The following OAS2 variants were observed in gnomAD, a reference collection of about 807,000 sequenced individuals.
OAS2 encodes the protein 2'-5'-oligoadenylate synthase 2.
Under a neutral mutation model 71.3 loss-of-function variants are expected in OAS2, and 67 were observed. That is an observed-to-expected ratio of 0.94 (90% CI 0.77 to 1.15). The LOEUF is 1.15. OAS2 is among the 50% of genes most tolerant of loss of function. The pLI is 0.00. For synonymous variants in OAS2, 327 were observed against 321.8 expected, an observed-to-expected ratio of 1.02 and a Z score of -0.17; for missense variants, 789 against 822.5, an observed-to-expected ratio of 0.96 and a Z score of 0.50.
intron 5 of OAS2, 65 bp downstream of exon 5, chr12:112,998,475 A>G (rs1403952511): frequency 6.5e-7 from 1 of 1,549,946 alleles, no homozygotes; most frequent in Non-Finnish European, 8.7e-7. Flanking sequence ...CACCCAGGCT[A>G]GGTCTTATCT....
At chr12:113,001,984 A>C (rs1449102513) in intron 5 of OAS2, among the ~76,000 whole-genome samples, 1 of 151,920 alleles carries the variant, frequency 6.6e-6, no homozygotes, top group East Asian at 1.9e-4. Flanking sequence ...GCAGTGAGCT[A>C]TAATGGCACC....
Position 112,987,022 on chromosome 12 carries a change from T to C in OAS2, c.178-16T>C. On this transcript the variant is annotated splice_polypyrimidine_tract_variant and intron_variant, in intron 1 of 9. Transcript: ENST00000392583. ...CAGAATCTAGTGTCTCATATCTGCTTCTTTGTCACTGGCAGGGTGGCTCCT... is the reference window on the plus strand; with the variant it reads ...CAGAATCTAGTGTCTCATATCTGCTCCTTTGTCACTGGCAGGGTGGCTCCT... 6.3e-7 allele frequency: 1 copy of C among 1,597,888 alleles called. No homozygotes were observed. The highest frequency in any genetic ancestry group is 8.5e-7 in the Non-Finnish European group (1 of 1,169,854).
chr12:112,989,553 G>A (rs145548757), intron 2 of OAS2, among the ~76,000 whole-genome samples: 3 of 152,220 alleles, frequency 2.0e-5, no homozygotes, highest in Non-Finnish European at 4.4e-5. Flanking sequence ...ATCATCAATA[G>A]AAGGGAATGT....
chr12:113,006,712 A>G (rs2044338324), intron 8 of OAS2, 112 bp downstream of exon 8: 2 of 890,936 alleles, frequency 2.2e-6, no homozygotes, highest in African/African-American at 3.3e-5. Context: ...CACTTTGGAG[A>G]ATCTGCCCAC....
At chr12:113,004,522 C>T (rs1459620086) in intron 6 of OAS2, among the ~76,000 whole-genome samples, 4 of 152,144 alleles carry the variant, frequency 2.6e-5, no homozygotes, top group African/African-American at 7.2e-5. Context: ...ACCCAATGAT[C>T]GCCAGACCTG....
rs922184668 is a variant in OAS2 at position 113,009,872 on chromosome 12, G to C, written c.*617G>C. 7.1e-6 allele frequency: 7 copies of C among 986,718 alleles called. No individual in the cohort carries two copies. In the African/African-American group the frequency reaches 1.2e-4, roughly 17 times the overall value. 61.1% of individuals were successfully genotyped at this position (986,718 alleles called of 1,614,324 possible). Reference sequence around the variant, plus strand: ...CTCCAAAGCCCTCCCTACCTACCAAGATATACCTGATATATTCCACCAGGA... The same window carrying C: ...CTCCAAAGCCCTCCCTACCTACCAACATATACCTGATATATTCCACCAGGA... On this transcript the variant is annotated 3_prime_UTR_variant, in exon 10 of 10. Coordinates refer to ENST00000392583, the MANE Select transcript of OAS2 (RefSeq NM_002535.3).
At chr12:112,991,834 A>G (rs1349536332) in intron 2 of OAS2, among the ~76,000 whole-genome samples, 1 of 152,292 alleles carries the variant, frequency 6.6e-6, no homozygotes, top group Non-Finnish European at 1.5e-5. Context: ...CTCCTAGACT[A>G]TAAGCTCCAT....
chr12:112,991,029 C>T (rs1441302019), intron 2 of OAS2, among the ~76,000 whole-genome samples: 1 of 152,178 alleles, frequency 6.6e-6, no homozygotes, highest in East Asian at 1.9e-4. Context: ...CTTTGATGAT[C>T]TGGCAGCCCC....
At position 113,010,453 on chromosome 12, in the gene OAS2, T is replaced by A; in HGVS notation, c.*1198T>A. 6.2e-7 allele frequency: 1 copy of A among 1,613,866 alleles called. No homozygotes were observed. Among genetic ancestry groups the A allele is most frequent in the Non-Finnish European group, 8.5e-7 (1 of 1,179,918 alleles). On this transcript the variant is annotated 3_prime_UTR_variant, in exon 10 of 10. Transcript: ENST00000392583. ...ATGTTCTCATCCAGAAGCCATAGAA[T>A]CCTGAATAATAATTCTAAAAGAAAC...
chr12:112,989,384 C>A (rs1391366795), intron 2 of OAS2, among the ~76,000 whole-genome samples: 2 of 152,136 alleles, frequency 1.3e-5, no homozygotes, highest in Non-Finnish European at 2.9e-5. Context: ...AGCATGAGAA[C>A]AGACTAATAC....
chr12:113,006,585 G>A lies in OAS2; in HGVS notation c.1641G>A (p.Lys547=). The change falls in exon 8 of 10, where the codon AAG becomes AAA. Residue 547 remains lysine, a synonymous_variant. Transcript: ENST00000392583. The stretch of plus-strand genomic sequence containing the variant: ...TAAAGGATTTAATTCGCCTGGTGAA[G>A]CACTGGTACAAAGAGGTAAGGACAG... ...TKLKDLIRLV[K]HWYKECERKL... is the part of the protein sequence containing the mutation. 1 of 1,605,928 alleles carries A rather than the reference G, an allele frequency of 6.2e-7. No individual in the cohort carries two copies.
chr12:112,986,957 G>A, intron 1 of OAS2, 81 bp from the exon 2 acceptor site: 1 of 1,521,580 alleles, frequency 6.6e-7, no homozygotes, highest in East Asian at 2.3e-5. Context: ...TTTTACTTGA[G>A]TTGAGAAATA....
At chr12:113,004,633 T>A (rs1467472448) in intron 6 of OAS2, among the ~76,000 whole-genome samples, 1 of 152,226 alleles carries the variant, frequency 6.6e-6, no homozygotes, top group Non-Finnish European at 1.5e-5. Flanking sequence ...AAGCTAAATA[T>A]GTCTTTAGGA....
intron 9 of OAS2, among the ~76,000 whole-genome samples, chr12:113,008,342 G>T (rs1433571021): frequency 6.6e-6 from 1 of 151,784 alleles, no homozygotes. Flanking sequence ...CACCAGCAAG[G>T]GACAAAAACA....
In OAS2 at chr12:113,010,283, T is replaced by TAC; in HGVS notation, c.*1030_*1031dup. The TAC allele has an allele frequency of 6.7e-7, 1 of 1,501,932 alleles. No homozygotes were observed. The highest frequency in any genetic ancestry group is 1.4e-5 in the African/African-American group (1 of 71,004). The allele number at this position is 1,501,932 out of a possible 1,614,324, so 93.0% of individuals were successfully genotyped here. On this transcript the variant is annotated 3_prime_UTR_variant, in exon 10 of 10. Transcript: ENST00000392583. ...CTCTGGCAATAGTTACCTTCCCAGA[T>TAC]ACAGGTCCCCCCTTTTTTCCCCTAA...
chr12:113,001,457 CACATATAT>C (rs779256988), intron 5 of OAS2, among the ~76,000 whole-genome samples: 38 of 147,650 alleles, frequency 2.6e-4, no homozygotes, highest in Non-Finnish European at 5.2e-4. Context: ...TACATATATA[CACATATAT>C]ACATATATAC....
At position 112,987,257 on chromosome 12, in the gene OAS2, AC is replaced by A. The variant is rs2044147469; in HGVS notation, c.398del (p.Thr133LysfsTer17). On this transcript the variant is annotated frameshift_variant, in exon 2 of 10. Transcript: ENST00000392583. LOFTEE classifies it high-confidence loss of function. Reference sequence around the variant, plus strand: ...TGATGGGTTCACCATCCAGGTGTTCACAAAAAATCAGAGAATCTCTTTCGAG... The same window carrying A: ...TGATGGGTTCACCATCCAGGTGTTCAAAAAAATCAGAGAATCTCTTTCGAG... The part of the protein sequence containing the change: ...SLDGFTIQVF[T>X]KNQRISFEVL... 6.2e-7 allele frequency: 1 copy of A among 1,614,082 alleles called. No homozygotes were observed. The highest frequency in any genetic ancestry group is 8.5e-7 in the Non-Finnish European group (1 of 1,180,040).
chr12:112,982,905 G>A (rs1322349938), intron 1 of OAS2, among the ~76,000 whole-genome samples: 1 of 152,090 alleles, frequency 6.6e-6, no homozygotes, highest in Non-Finnish European at 1.5e-5. Flanking sequence ...AATCTTAGTA[G>A]GTTGTATGTG....
Position 113,009,626 on chromosome 12 carries a change from G to A in OAS2, c.*371G>A, listed in dbSNP as rs1016964794. Reference sequence around the variant, plus strand: ...TTTGAGTACTTATGGCCCTGAAAGCGGCCACGGTGCCTCCAGATGGCAGGT... The same window carrying A: ...TTTGAGTACTTATGGCCCTGAAAGCAGCCACGGTGCCTCCAGATGGCAGGT... On this transcript the variant is annotated 3_prime_UTR_variant, in exon 10 of 10. Transcript: ENST00000392583. 3.9e-5 allele frequency: 39 copies of A among 996,970 alleles called. No homozygotes were observed. The highest frequency in any genetic ancestry group is 5.0e-4 in the Middle Eastern group (1 of 1,982). 61.8% of individuals were successfully genotyped at this position (996,970 alleles called of 1,614,324 possible). A position where few individuals can be genotyped will look rare whatever the true frequency, so the allele number is the denominator to read the frequency against.
Sources: gnomAD v4.1 joint callset for allele counts (sites outside exome capture counted in the v4.1 genomes callset) on GRCh38, gnomAD v4.1.1 for gene constraint, MANE v1.5 for transcripts, NCBI Gene and HGNC (gene_info 2026-07-23, HGNC 2026-07-21) for gene names.